The following WDPCP variants were observed in gnomAD, a reference collection of about 807,000 sequenced individuals.
WDPCP encodes WD repeat-containing and planar cell polarity effector protein fritz homolog.
WDPCP carries 71 observed loss-of-function variants against 93.1 expected under a neutral mutation model. That is an observed-to-expected ratio of 0.76 (90% CI 0.63 to 0.93). The LOEUF (loss-of-function observed/expected upper bound fraction) is 0.93, where lower values mean the gene tolerates loss of function less well. WDPCP is among the 40% of genes least tolerant of loss of function. The pLI, the probability that WDPCP is intolerant of heterozygous loss-of-function variation, is 0.00. For synonymous variants in WDPCP, 315 were observed against 315.0 expected, an observed-to-expected ratio of 1.00 and a Z score of 0.00; for missense variants, 844 against 887.4, an observed-to-expected ratio of 0.95 and a Z score of 0.62.
At chr2:63,597,506 A>C (rs902946734) in intron 3 of WDPCP, 1 of 1,517,026 alleles carries the variant, frequency 6.6e-7, no homozygotes, top group African/African-American at 1.4e-5. Flanking sequence ...AGATTTACTG[A>C]AAGCAAATGT....
chr2:63,604,978 T>A, intron 3 of WDPCP: 2 of 1,106,654 alleles, frequency 1.8e-6, no homozygotes, highest in Non-Finnish European at 2.6e-6. Flanking sequence ...GTTGCTCTGA[T>A]GACTGCATAC....
At chr2:63,763,828 A>G (rs1413639985) in intron 2 of WDPCP, among the ~76,000 whole-genome samples, 2 of 152,192 alleles carry the variant, frequency 1.3e-5, no homozygotes, top group Non-Finnish European at 2.9e-5. Flanking sequence ...TAAGTGGTAC[A>G]TTAAATCCAG....
At chr2:63,633,431 G>T (rs187899985) in intron 3 of WDPCP, among the ~76,000 whole-genome samples, 4 of 152,110 alleles carry the variant, frequency 2.6e-5, no homozygotes, top group Non-Finnish European at 5.9e-5. Context: ...AACAAAAAAT[G>T]TAAATTATGA....
intron 14 of WDPCP, among the ~76,000 whole-genome samples, chr2:63,222,655 A>G (rs1183543725): frequency 6.6e-6 from 1 of 152,226 alleles, no homozygotes; most frequent in East Asian, 1.9e-4. Flanking sequence ...GAAGCTTATC[A>G]TAGTTTAAGT....
intron 6 of WDPCP, among the ~76,000 whole-genome samples, chr2:63,448,692 G>C (rs1026479700): frequency 6.6e-6 from 1 of 152,166 alleles, no homozygotes; most frequent in Non-Finnish European, 1.5e-5. Flanking sequence ...TTTAAAAAGG[G>C]AAATTCTGTC....
intron 2 of WDPCP, among the ~76,000 whole-genome samples, chr2:63,741,675 T>C (rs921945887): frequency 6.6e-6 from 1 of 152,042 alleles, no homozygotes; most frequent in Non-Finnish European, 1.5e-5. Flanking sequence ...AAGTGAAAAA[T>C]CAGTGTTGTG....
intron 3 of WDPCP, among the ~76,000 whole-genome samples, chr2:63,607,954 A>G (rs550307526): frequency 1.3e-4 from 20 of 152,326 alleles, no homozygotes; most frequent in African/African-American, 4.8e-4. Context: ...AAGATAAAGC[A>G]TAAATCTCGT....
At chr2:63,409,214 C>T (rs1278426350) in intron 9 of WDPCP, among the ~76,000 whole-genome samples, 1 of 152,202 alleles carries the variant, frequency 6.6e-6, no homozygotes, top group Non-Finnish European at 1.5e-5. Context: ...AGATGGTTCA[C>T]ATCACAGGAC....
chr2:63,248,721 T>C (rs1228974700), intron 14 of WDPCP, among the ~76,000 whole-genome samples: 1 of 152,172 alleles, frequency 6.6e-6, no homozygotes. Flanking sequence ...ATAATTCTTC[T>C]TGGTCCTTAG....
intron 1 of WDPCP, among the ~76,000 whole-genome samples, chr2:63,547,194 C>T (rs1006046178): frequency 6.6e-6 from 1 of 151,962 alleles, no homozygotes; most frequent in Non-Finnish European, 1.5e-5. Context: ...ATCAAAACCA[C>T]AGAGACATCA....
rs973209456 is a variant in WDPCP, at chr2:63,468,913, T to G, written c.384+15691A>C. Among the ~76,000 whole-genome samples, 3 of 151,996 alleles carry G rather than the reference T, an allele frequency of 2.0e-5. No individual in the cohort carries two copies. The East Asian group carries it at 5.8e-4, about 29-fold the overall frequency. On this transcript the variant is annotated intron_variant, in intron 6 of 17. Transcript: ENST00000272321. Reference sequence around the variant, plus strand: ...TTTTGACTCCATTTCTCCATCAAGCTCCTACTCTATTTCTCCATTTTCCTT... The same window carrying G: ...TTTTGACTCCATTTCTCCATCAAGCGCCTACTCTATTTCTCCATTTTCCTT...
chr2:63,273,489 T>C (rs1405476199), intron 13 of WDPCP, among the ~76,000 whole-genome samples: 1 of 151,498 alleles, frequency 6.6e-6, no homozygotes, highest in Non-Finnish European at 1.5e-5. Flanking sequence ...CAATAAAACC[T>C]TGAATGTAAA....
chr2:63,301,605 G>C (rs1273175718), intron 13 of WDPCP, among the ~76,000 whole-genome samples: 2 of 152,140 alleles, frequency 1.3e-5, no homozygotes, highest in Admixed American at 6.5e-5. Context: ...ACTTGGGTAA[G>C]CATGACTAAT....
intron 9 of WDPCP, among the ~76,000 whole-genome samples, chr2:63,413,260 A>T (rs1225800964): frequency 6.6e-6 from 1 of 152,216 alleles, no homozygotes; most frequent in Admixed American, 6.5e-5. Flanking sequence ...ATACAAAAAC[A>T]TACAGTGGGA....
Position 63,404,079 on chromosome 2 carries a change from T to C in WDPCP, c.1404A>G (p.Arg468=), listed in dbSNP as rs1281233973. The C allele has an allele frequency of 6.8e-6, 11 of 1,614,158 alleles. No individual in the cohort carries two copies. Among genetic ancestry groups the C allele is most frequent in the Non-Finnish European group, 6.8e-6 (8 of 1,180,000 alleles). Reference sequence around the variant, plus strand: ...TAAACAACAGCACACCCAAAGGTCCTCTTTCAAACCTGAGGAAGAGGAGAT... The same window carrying C: ...TAAACAACAGCACACCCAAAGGTCCCCTTTCAAACCTGAGGAAGAGGAGAT... ...IYDLLFLRFE[R]GPLGVLLFKL... is the part of the protein sequence containing the mutation. The change falls in exon 10 of 18, where the codon AGA becomes AGG. Residue 468 remains arginine (R), a synonymous_variant. Transcript: ENST00000272321.
At position 63,631,616 on chromosome 2, in the gene WDPCP, G is replaced by A. The variant is rs932101366; in HGVS notation, n.488+19043C>T. ...TAGCCCTGAGAGGGCTCAAATGTCC[G>A]TTTAAAAACTACAGCAATACAGTGG... On this transcript the variant is annotated intron_variant and non_coding_transcript_variant, in intron 3 of 4. Coordinates refer to the WDPCP transcript ENST00000467687. 5.3e-5 allele frequency among the ~76,000 whole-genome samples: 8 copies of A among 152,218 alleles called. No individual in the cohort carries two copies. The South Asian group carries it at 8.3e-4, about 16-fold the overall frequency.
At chr2:63,667,019 TG>T (rs56153825) in intron 2 of WDPCP, among the ~76,000 whole-genome samples, 121,935 of 152,080 alleles carry the variant, frequency 0.8, 49,312 homozygotes, top group East Asian at 0.98. Flanking sequence ...AACCATCTCC[TG>T]GAAACACCCA....
chr2:63,386,406 G>GAA (rs199545786), intron 10 of WDPCP, among the ~76,000 whole-genome samples: 1 of 151,956 alleles, frequency 6.6e-6, no homozygotes, highest in Non-Finnish European at 1.5e-5. Context: ...CAAAAGATTT[G>GAA]AAGACATACT....
intron 14 of WDPCP, among the ~76,000 whole-genome samples, chr2:63,214,762 A>G (rs896113435): frequency 4.6e-5 from 7 of 152,222 alleles, no homozygotes; most frequent in Non-Finnish European, 8.8e-5. Context: ...GCTGATATGC[A>G]ACATCAGCAA....
Sources: gnomAD v4.1 joint callset for allele counts (sites outside exome capture counted in the v4.1 genomes callset) on GRCh38, gnomAD v4.1.1 for gene constraint, MANE v1.5 for transcripts, NCBI Gene and HGNC (gene_info 2026-07-23, HGNC 2026-07-21) for gene names.